RNF130: variants seen among roughly 807,000 people sequenced by gnomAD.
RNF130 encodes ring finger protein 130, also known as E3 ubiquitin-protein ligase RNF130.
RNF130 carries 21 observed loss-of-function variants against 44.6 expected under a neutral mutation model. The ratio of observed to expected loss-of-function variants is 0.47; its 90% CI spans 0.33 to 0.68. The LOEUF is 0.68. RNF130 is among the 30% of genes least tolerant of loss of function. The pLI is 0.02. For missense variants in RNF130, 479 were observed against 560.6 expected (o/e 0.85, Z 1.47); for synonymous variants, 214 against 210.4 (o/e 1.02, Z -0.15).
intron 7 of RNF130, among the ~76,000 whole-genome samples, chr5:179,949,676 T>C (rs1168430767): frequency 6.6e-6 from 1 of 152,220 alleles, no homozygotes; most frequent in Non-Finnish European, 1.5e-5. Context: ...TCTGACTTCT[T>C]AGTTGTGTGA....
chr5:179,916,992 C>A (rs1031322513), exon 8 of RNF130: 2 of 152,304 alleles, frequency 1.3e-5, no homozygotes, highest in Non-Finnish European at 2.9e-5. Context: ...GAGATCGAGA[C>A]CAGCCTGGCT....
chr5:180,045,135 C>T (rs1339356085), intron 1 of RNF130, among the ~76,000 whole-genome samples: 1 of 152,098 alleles, frequency 6.6e-6, no homozygotes, highest in East Asian at 1.9e-4. Context: ...CAACACTATA[C>T]AAATTTAAGA....
chr5:180,031,545 T>TG (rs1764131029), intron 2 of RNF130, among the ~76,000 whole-genome samples: 2 of 152,136 alleles, frequency 1.3e-5, no homozygotes, highest in African/African-American at 4.8e-5. Context: ...TTTGACTGTG[T>TG]GGGGGTCAGT....
At chr5:179,939,625 C>A in intron 7 of RNF130, 1 of 452,918 alleles carries the variant, frequency 2.2e-6, no homozygotes. Flanking sequence ...ATTCCACTAC[C>A]ACAAATGACG....
chr5:179,945,260 ACACCCTGCAG>A (rs1412015579), intron 7 of RNF130, among the ~76,000 whole-genome samples: 1 of 152,006 alleles, frequency 6.6e-6, no homozygotes, highest in Non-Finnish European at 1.5e-5. Context: ...GCTCAGTCCC[ACACCCTGCAG>A]GGTGTGCTGA....
chr5:179,996,636 C>T (rs1391462902), intron 3 of RNF130, among the ~76,000 whole-genome samples: 1 of 152,198 alleles, frequency 6.6e-6, no homozygotes, highest in Non-Finnish European at 1.5e-5. Context: ...ATATGTTGAA[C>T]CATTCTTGCA....
At chr5:180,060,460 T>C (rs931475657) in intron 1 of RNF130, among the ~76,000 whole-genome samples, 8 of 152,178 alleles carry the variant, frequency 5.3e-5, no homozygotes, top group African/African-American at 1.7e-4. Flanking sequence ...ACATGCTAAA[T>C]GCAAAGTCAA....
chr5:179,955,803 A>G, intron 8 of RNF130, 134 bp from the exon 9 acceptor site: 1 of 634,446 alleles, frequency 1.6e-6, no homozygotes, highest in Non-Finnish European at 2.7e-6. Context: ...TAAGGCCAGG[A>G]AGCCATTAAG....
intron 2 of RNF130, among the ~76,000 whole-genome samples, chr5:180,023,821 C>T (rs985451447): frequency 3.3e-5 from 5 of 152,148 alleles, no homozygotes; most frequent in Non-Finnish European, 5.9e-5. Context: ...GCATAAATCC[C>T]CACTTATTAA....
At chr5:179,988,643 T>C (rs1177098984) in intron 3 of RNF130, among the ~76,000 whole-genome samples, 1 of 152,254 alleles carries the variant, frequency 6.6e-6, no homozygotes, top group Non-Finnish European at 1.5e-5. Context: ...TATCTCTTAA[T>C]ATATTCATCA....
chr5:179,951,509 G>A (rs1762125477), downstream of RNF130, among the ~76,000 whole-genome samples: 1 of 151,368 alleles, frequency 6.6e-6, no homozygotes, highest in South Asian at 2.1e-4. Flanking sequence ...TCAGCCTCCC[G>A]AGTAGCTGGG....
chr5:180,009,047 G>C (rs991436386), intron 3 of RNF130, among the ~76,000 whole-genome samples: 6 of 152,186 alleles, frequency 3.9e-5, no homozygotes, highest in African/African-American at 7.2e-5. Flanking sequence ...TAGCCTTAAA[G>C]AAGTGCTGAG....
intron 1 of RNF130, among the ~76,000 whole-genome samples, chr5:180,062,109 C>T (rs1765001023): frequency 6.7e-6 from 1 of 149,042 alleles, no homozygotes; most frequent in Non-Finnish European, 1.5e-5. Flanking sequence ...GGCTGGAGTG[C>T]AGTGGCACGA....
chr5:179,931,032 C>CAA (rs34266288), intron 7 of RNF130, among the ~76,000 whole-genome samples: 108 of 73,928 alleles, frequency 1.5e-3, no homozygotes, highest in Admixed American at 1.8e-3. Context: ...ACCTCTGTCT[C>CAA]AAAAAAAAAA....
At chr5:180,004,337 A>T (rs1763415153) in intron 3 of RNF130, among the ~76,000 whole-genome samples, 1 of 152,170 alleles carries the variant, frequency 6.6e-6, no homozygotes. Flanking sequence ...TCAAATTTAC[A>T]CCTCATCACA....
At chr5:180,058,724 G>A (rs574572029) in intron 1 of RNF130, among the ~76,000 whole-genome samples, 21 of 151,914 alleles carry the variant, frequency 1.4e-4, no homozygotes, top group African/African-American at 9.7e-5. Context: ...CCTGGCTAAC[G>A]CTAATTTTTG....
intron 7 of RNF130, among the ~76,000 whole-genome samples, chr5:179,965,995 C>T (rs977453455): frequency 1.3e-5 from 2 of 152,122 alleles, no homozygotes; most frequent in Non-Finnish European, 2.9e-5. Flanking sequence ...CTGGGAAAGG[C>T]AACAGCAGAG....
At chr5:179,930,778 C>A (rs1475237696) in intron 7 of RNF130, among the ~76,000 whole-genome samples, 1 of 151,836 alleles carries the variant, frequency 6.6e-6, no homozygotes, top group Admixed American at 6.6e-5. Context: ...GTGGCTCATG[C>A]CTGTAATCCC....
At chr5:180,005,436 C>G (rs1763444601) in intron 3 of RNF130, among the ~76,000 whole-genome samples, 1 of 151,948 alleles carries the variant, frequency 6.6e-6, no homozygotes, top group Admixed American at 6.6e-5. Context: ...CTCAGAAAAA[C>G]AACAACAACA....
Sources: gnomAD v4.1 joint callset for allele counts (sites outside exome capture counted in the v4.1 genomes callset) on GRCh38, gnomAD v4.1.1 for gene constraint, MANE v1.5 for transcripts, NCBI Gene and HGNC (gene_info 2026-07-23, HGNC 2026-07-21) for gene names.